Variants in FNIP2 observed in about 807,000 individuals in gnomAD.
FNIP2 encodes the protein folliculin-interacting protein 2.
Under a neutral mutation model 108.7 loss-of-function variants are expected in FNIP2, and 32 were observed. The ratio of observed to expected loss-of-function variants is 0.29; its 90% CI spans 0.22 to 0.40. FNIP2 has a LOEUF of 0.40. FNIP2 is among the 10% of genes least tolerant of loss of function. The pLI is 1.00. For missense variants in FNIP2, 1,202 were observed against 1,381.6 expected (o/e 0.87, Z 2.06); for synonymous variants, 480 against 496.7 (o/e 0.97, Z 0.45).
chr4:158,806,160 C>T, intron 1 of FNIP2: 2 of 1,237,382 alleles, frequency 1.6e-6, no homozygotes, highest in Non-Finnish European at 2.1e-6. Context: ...ACAGAATGTT[C>T]CTCACATAAC....
In FNIP2 at chr4:158,769,338, G is replaced by A. The variant is rs1174433967; in HGVS notation, c.107+19G>A. On this transcript the variant is annotated intron_variant, in intron 1 of 16. Coordinates refer to ENST00000264433, the MANE Select transcript of FNIP2 (RefSeq NM_020840.3). Reference sequence around the variant, plus strand: ...CCTTTAGGTGAGGGGGCGCCGGGGGGCAATTCTGGCGCGGGACCCGAGTTG... The same window carrying A: ...CCTTTAGGTGAGGGGGCGCCGGGGGACAATTCTGGCGCGGGACCCGAGTTG... The A allele has an allele frequency of 6.2e-6, 9 of 1,459,090 alleles. No individual in the cohort carries two copies. Among genetic ancestry groups the A allele is most frequent in the Admixed American group, 2.4e-5 (1 of 41,262 alleles). The allele number at this position is 1,459,090 out of a possible 1,614,324, so 90.4% of individuals were successfully genotyped here.
chr4:158,822,968 A>T (rs972787516), intron 1 of FNIP2, among the ~76,000 whole-genome samples: 1 of 152,100 alleles, frequency 6.6e-6, no homozygotes, highest in Non-Finnish European at 1.5e-5. Flanking sequence ...TCCTTTTTTC[A>T]TTGAAAAATA....
At position 158,769,052 on chromosome 4, in the gene FNIP2, C is replaced by CCGGCG. The variant is rs1775598689; in HGVS notation, c.-159_-155dup. On this transcript the variant is annotated 5_prime_UTR_variant, in exon 1 of 17. Coordinates refer to ENST00000264433, the MANE Select transcript of FNIP2 (RefSeq NM_020840.3). ...GTCATATGACCGGCAGCCGGCGGCT[C>CCGGCG]CGGCGCCGAGCAGAGTTACTCAGTC... is the stretch of plus-strand genomic sequence containing the variant. The CCGGCG allele has an allele frequency of 6.5e-6, 1 of 154,066 alleles. No individual in the cohort carries two copies. The allele number at this position is 154,066 out of a possible 1,614,324, so 9.5% of individuals were successfully genotyped here. A position where few individuals can be genotyped will look rare whatever the true frequency, so the allele number is the denominator to read the frequency against.
intron 14 of FNIP2, chr4:158,871,366 T>C (rs1372623924): frequency 3.0e-6 from 3 of 984,922 alleles, no homozygotes; most frequent in Non-Finnish European, 3.6e-6. Context: ...ATTAAGAAAA[T>C]CAGAATTTGG....
At chr4:158,849,659 C>T (rs565494091) in intron 7 of FNIP2, among the ~76,000 whole-genome samples, 7 of 152,242 alleles carry the variant, frequency 4.6e-5, no homozygotes, top group African/African-American at 1.4e-4. Context: ...GAAAAGCTCT[C>T]TTCTAACTCC....
chr4:158,790,655 G>A (rs1776382366), intron 1 of FNIP2, among the ~76,000 whole-genome samples: 1 of 152,150 alleles, frequency 6.6e-6, no homozygotes, highest in East Asian at 1.9e-4. Flanking sequence ...GCTGAGGTGG[G>A]AGGACCACTT....
intron 5 of FNIP2, 78 bp downstream of exon 5, chr4:158,832,216 A>G: frequency 1.7e-6 from 2 of 1,159,666 alleles, no homozygotes; most frequent in East Asian, 2.4e-5. Context: ...TTTAAGGGCC[A>G]TAAGGCATTT....
intron 1 of FNIP2, among the ~76,000 whole-genome samples, chr4:158,785,275 G>A (rs925077221): frequency 1.6e-4 from 25 of 151,732 alleles, no homozygotes; most frequent in African/African-American, 5.1e-4. Flanking sequence ...TAGTAGAGAC[G>A]GGGTTTCATC....
At chr4:158,872,509 T>C (rs1204114288) in intron 14 of FNIP2, 2 of 985,346 alleles carry the variant, frequency 2.0e-6, no homozygotes, top group Non-Finnish European at 2.4e-6. Context: ...TTAAGCATAA[T>C]AACCTATATT....
intron 7 of FNIP2, among the ~76,000 whole-genome samples, chr4:158,840,174 C>T (rs1779043790): frequency 6.6e-6 from 1 of 152,092 alleles, no homozygotes; most frequent in Non-Finnish European, 1.5e-5. Flanking sequence ...AGTTTCTAAC[C>T]TGAGAAAGCG....
intron 14 of FNIP2, chr4:158,871,432 G>A (rs1169898385): frequency 1.0e-6 from 1 of 985,052 alleles, no homozygotes; most frequent in East Asian, 1.1e-4. Flanking sequence ...TGGAACAAAA[G>A]GCATTGCATG....
intron 1 of FNIP2, among the ~76,000 whole-genome samples, chr4:158,820,263 A>C (rs999775526): frequency 2.0e-5 from 3 of 152,204 alleles, no homozygotes; most frequent in Non-Finnish European, 4.4e-5. Flanking sequence ...CCAGGAGGAA[A>C]AACAGAGATC....
intron 1 of FNIP2, among the ~76,000 whole-genome samples, chr4:158,781,034 C>CAAAAAAAA (rs70962632): frequency 7.7e-6 from 1 of 130,518 alleles, no homozygotes; most frequent in Non-Finnish European, 1.6e-5. Context: ...GAGTCCTTCT[C>CAAAAAAAA]AAAAAAAAAA....
At chr4:158,830,668 G>C (rs1431987885) in intron 3 of FNIP2, among the ~76,000 whole-genome samples, 1 of 152,178 alleles carries the variant, frequency 6.6e-6, no homozygotes, top group Non-Finnish European at 1.5e-5. Context: ...TGTATTTGGA[G>C]TTTTAAAAAA....
At chr4:158,878,732 G>C (rs1781417944) in intron 14 of FNIP2, among the ~76,000 whole-genome samples, 1 of 152,036 alleles carries the variant, frequency 6.6e-6, no homozygotes, top group Admixed American at 6.5e-5. Context: ...ACAAGCAGGA[G>C]AATCAGCACT....
intron 1 of FNIP2, among the ~76,000 whole-genome samples, chr4:158,813,841 G>A (rs1777418402): frequency 6.6e-6 from 1 of 152,046 alleles, no homozygotes; most frequent in Admixed American, 6.6e-5. Flanking sequence ...AGCCATTTTG[G>A]GTTTATTTTT....
At chr4:158,809,728 A>G (rs574831991) in intron 1 of FNIP2, among the ~76,000 whole-genome samples, 3 of 152,362 alleles carry the variant, frequency 2.0e-5, no homozygotes, top group African/African-American at 7.2e-5. Context: ...TACCCCTTAC[A>G]CACTGAAAAG....
intron 1 of FNIP2, among the ~76,000 whole-genome samples, chr4:158,769,564 T>G (rs1420656887): frequency 1.3e-5 from 2 of 152,176 alleles, no homozygotes; most frequent in Non-Finnish European, 2.9e-5. Flanking sequence ...AGTTCTCTTG[T>G]GTTCCTTGGG....
chr4:158,839,980 T>C (rs1779032584), intron 7 of FNIP2, among the ~76,000 whole-genome samples: 1 of 152,218 alleles, frequency 6.6e-6, no homozygotes, highest in African/African-American at 2.4e-5. Flanking sequence ...TCTTTACATA[T>C]ACAGATCCAA....
Sources: gnomAD v4.1 joint callset for allele counts (sites outside exome capture counted in the v4.1 genomes callset) on GRCh38, gnomAD v4.1.1 for gene constraint, MANE v1.5 for transcripts, NCBI Gene and HGNC (gene_info 2026-07-23, HGNC 2026-07-21) for gene names.